Variants in ZNF561 observed in about 807,000 individuals in gnomAD.
ZNF561 encodes zinc finger protein 561.
ZNF561 carries 16 observed loss-of-function variants against 16.7 expected under a neutral mutation model. That is an observed-to-expected ratio of 0.96 (90% CI 0.65 to 1.45). The LOEUF is 1.45. ZNF561 is among the 40% of genes most tolerant of loss of function. The pLI, the probability that ZNF561 is intolerant of heterozygous loss-of-function variation, is 0.00. For missense variants in ZNF561, 580 were observed against 578.0 expected (o/e 1.00, Z -0.04); for synonymous variants, 190 against 192.1 (o/e 0.99, Z 0.09).
Position 9,608,277 on chromosome 19 carries a change from G to A in ZNF561, c.*1923C>T, listed in dbSNP as rs1291354614. Reference sequence around the variant, plus strand: ...GAGATGGTGGGGAGAGAGAGAGAAAGAGGAGAGAGGAGAGAGGAGAAAGGA... The same window carrying A: ...GAGATGGTGGGGAGAGAGAGAGAAAAAGGAGAGAGGAGAGAGGAGAAAGGA... On this transcript the variant is annotated 3_prime_UTR_variant, in exon 6 of 6. Coordinates refer to ENST00000302851, the MANE Select transcript of ZNF561 (RefSeq NM_152289.3). The A allele has an allele frequency of 6.6e-6, 1 of 151,848 alleles. No homozygotes were observed. Among genetic ancestry groups the A allele is most frequent in the East Asian group, 1.9e-4 (1 of 5,178 alleles). 9.4% of individuals were successfully genotyped at this position (151,848 alleles called of 1,614,324 possible).
rs567769004 is a variant in ZNF561, at chr19:9,608,432, C to T, written c.*1768G>A. On this transcript the variant is annotated 3_prime_UTR_variant, in exon 6 of 6. Transcript: ENST00000302851. ...GGCACTCTGATCTCAGACTTCCAGCCTCGAGAAATGTGAGAATATAAATTT... is the reference window on the plus strand; with the variant it reads ...GGCACTCTGATCTCAGACTTCCAGCTTCGAGAAATGTGAGAATATAAATTT... The T allele has an allele frequency of 1.3e-5, 2 of 152,060 alleles. No individual in the cohort carries two copies. The highest frequency in any genetic ancestry group is 1.3e-4 in the Admixed American group (2 of 15,254). 9.4% of individuals were successfully genotyped at this position (152,060 alleles called of 1,614,324 possible). A position where few individuals can be genotyped will look rare whatever the true frequency, so the allele number is the denominator to read the frequency against.
chr19:9,619,954 G>A (rs1409696507), intron 1 of ZNF561, among the ~76,000 whole-genome samples: 2 of 100,562 alleles, frequency 2.0e-5, no homozygotes, highest in Non-Finnish European at 3.9e-5. Flanking sequence ...ATCGAGACAG[G>A]GTCTCACTCT....
rs1367213019 is a variant in ZNF561, at chr19:9,618,126, T to G, written c.79A>C (p.Arg27=). Residue 27 remains arginine, a synonymous_variant, in exon 3 of 6, where the codon AGG becomes CGG. Coordinates refer to ENST00000302851, the MANE Select transcript of ZNF561 (RefSeq NM_152289.3). ...CPFEEKTKVE[R]MVEDYLASGY... is the part of the protein sequence containing the mutation. ...CTTGCCAGGTAGTCCTCCACCATCCTTTCTACCTTTGTCTTTTCTTCAAAA... is the reference window on the plus strand; with the variant it reads ...CTTGCCAGGTAGTCCTCCACCATCCGTTCTACCTTTGTCTTTTCTTCAAAA... The G allele has an allele frequency of 6.4e-7, 1 of 1,551,378 alleles. No individual in the cohort carries two copies. Among genetic ancestry groups the G allele is most frequent in the Admixed American group, 2.0e-5 (1 of 51,000 alleles).
At position 9,611,129 on chromosome 19, in the gene ZNF561, A is replaced by G. The variant is rs371451090; in HGVS notation, c.532T>C (p.Phe178Leu). 15 of 1,614,078 alleles carry G rather than the reference A, an allele frequency of 9.3e-6. No homozygotes were observed. Among genetic ancestry groups the G allele is most frequent in the East Asian group, 8.9e-5 (4 of 44,876 alleles). Reference sequence around the variant, plus strand: ...ACAGCAAGACCTGGAGTTAGAGTAAAGACTTTTCCACATGGATTAAATTTG... The same window carrying G: ...ACAGCAAGACCTGGAGTTAGAGTAAGGACTTTTCCACATGGATTAAATTTG... Reference protein sequence around the residue: ...LSKFNPCGKVFTLTPGLAVHL... With the variant: ...LSKFNPCGKVLTLTPGLAVHL... Residue 178 changes from phenylalanine (F) to leucine (L), a missense_variant, in exon 6 of 6, where the codon TTT (phenylalanine) becomes CTT (leucine). Coordinates refer to ENST00000302851, the MANE Select transcript of ZNF561 (RefSeq NM_152289.3).
chr19:9,613,908 A>G (rs1599226137), intron 5 of ZNF561, 113 bp downstream of exon 5: 4 of 1,331,242 alleles, frequency 3.0e-6, no homozygotes, highest in Non-Finnish European at 4.2e-6. Flanking sequence ...CAGCCTCCCA[A>G]ATAGCTGGGA....
Position 9,610,399 on chromosome 19 carries a change from A to G in ZNF561, c.1262T>C (p.Phe421Ser). 1 of 1,613,744 alleles carries G rather than the reference A, an allele frequency of 6.2e-7. No homozygotes were observed. The highest frequency in any genetic ancestry group is 8.5e-7 in the Non-Finnish European group (1 of 1,179,752). The change falls in exon 6 of 6, where the codon TTT becomes TCT. Residue 421 changes from phenylalanine to serine, a missense_variant. Transcript: ENST00000302851. ...TGCTTTCCCACATATCTTGCATACAAAGGGCTTTTCTCCACTATGAGTTTT... is the reference window on the plus strand; with the variant it reads ...TGCTTTCCCACATATCTTGCATACAGAGGGCTTTTCTCCACTATGAGTTTT... The part of the protein sequence containing the change: ...HLKTHSGEKP[F>S]VCKICGKAFL...
At chr19:9,618,798 G>A (rs909041238) in intron 2 of ZNF561, among the ~76,000 whole-genome samples, 2 of 151,500 alleles carry the variant, frequency 1.3e-5, no homozygotes, top group African/African-American at 4.9e-5. Flanking sequence ...ATTTCCTAAG[G>A]TACACAAACC....
At chr19:9,614,635 G>GA (rs2074521632) in intron 4 of ZNF561, among the ~76,000 whole-genome samples, 1 of 151,950 alleles carries the variant, frequency 6.6e-6, no homozygotes, top group Non-Finnish European at 1.5e-5. Context: ...ATGGAAAACA[G>GA]AAAGAGTAGA....
rs111984978 is a variant in ZNF561, at chr19:9,617,255, C to T, written c.115-84G>A. On this transcript the variant is annotated intron_variant, in intron 3 of 5. Coordinates refer to ENST00000302851, the MANE Select transcript of ZNF561 (RefSeq NM_152289.3). ...GAGAATGATGAAGGGGAACCTTATACTCACTTACACGTGGTTGTCAGGTCT... is the reference window on the plus strand; with the variant it reads ...GAGAATGATGAAGGGGAACCTTATATTCACTTACACGTGGTTGTCAGGTCT... 338 of 1,503,062 alleles carry T rather than the reference C, an allele frequency of 2.2e-4. 3 individuals carry two copies. The African/African-American group carries it at 3.7e-3, about 16-fold the overall frequency. 93.1% of individuals were successfully genotyped at this position (1,503,062 alleles called of 1,614,324 possible).
At position 9,608,735 on chromosome 19, in the gene ZNF561, TGAA is replaced by T. The variant is rs1304151766; in HGVS notation, c.*1462_*1464del. ...AAATACAACCCTTGATACGAAGTAGTGAAGAACTTGGCAGAACTGTATTCTAGC... is the reference window on the plus strand; with the variant it reads ...AAATACAACCCTTGATACGAAGTAGTGAACTTGGCAGAACTGTATTCTAGC... On this transcript the variant is annotated 3_prime_UTR_variant, in exon 6 of 6. Transcript: ENST00000302851. 5 of 152,220 alleles carry T rather than the reference TGAA, an allele frequency of 3.3e-5. No individual in the cohort carries two copies. Among genetic ancestry groups the T allele is most frequent in the African/African-American group, 1.2e-4 (5 of 41,456 alleles). The allele number at this position is 152,220 out of a possible 1,614,324, so 9.4% of individuals were successfully genotyped here.
In ZNF561 at chr19:9,610,311, T is replaced by C. The variant is rs1169798709; in HGVS notation, c.1350A>G (p.Val450=). ...LRTHTGEKPF[V]CKECGKAFAV... ...CAAATGCTTTCCCACATTCTTTACA[T>C]ACGAAGGGTTTCTCTCCGGTATGAG... The change falls in exon 6 of 6, where the codon GTA becomes GTG. Residue 450 remains valine (V), a synonymous_variant. Transcript: ENST00000302851. 5.0e-6 allele frequency: 8 copies of C among 1,614,034 alleles called. No individual in the cohort carries two copies. The Admixed American group carries it at 6.7e-5, about 13-fold the overall frequency.
chr19:9,616,960 C>G (rs753089350), intron 4 of ZNF561, 85 bp downstream of exon 4: 4 of 1,487,148 alleles, frequency 2.7e-6, no homozygotes, highest in Non-Finnish European at 2.7e-6. Flanking sequence ...CTCCCAGGCT[C>G]CAGCGATTCT....
intron 3 of ZNF561, 63 bp from the exon 4 acceptor site, chr19:9,617,234 A>G (rs2074571900): frequency 6.4e-7 from 1 of 1,567,966 alleles, no homozygotes; most frequent in Non-Finnish European, 8.7e-7. Flanking sequence ...TCACTGGAGA[A>G]TGATGAAGGG....
intron 5 of ZNF561, among the ~76,000 whole-genome samples, chr19:9,613,323 C>T (rs2074495381): frequency 6.6e-6 from 1 of 152,116 alleles, no homozygotes; most frequent in Admixed American, 6.5e-5. Context: ...CTGCAAACTC[C>T]ACCTCCTGGG....
At position 9,610,113 on chromosome 19, in the gene ZNF561, GA is replaced by G; in HGVS notation, c.*86del. The G allele has an allele frequency of 8.3e-7, 1 of 1,204,948 alleles. No homozygotes were observed. The allele number at this position is 1,204,948 out of a possible 1,614,324, so 74.6% of individuals were successfully genotyped here. ...AGGATGGTATCTAAGGCCAATCCAT[GA>G]GTCATTACAACCTCCAAAAGGCATT... is the stretch of plus-strand genomic sequence containing the variant. On this transcript the variant is annotated 3_prime_UTR_variant, in exon 6 of 6. Coordinates refer to ENST00000302851, the MANE Select transcript of ZNF561 (RefSeq NM_152289.3).
At chr19:9,618,600 T>C (rs1282294682) in intron 2 of ZNF561, among the ~76,000 whole-genome samples, 1 of 151,908 alleles carries the variant, frequency 6.6e-6, no homozygotes. Flanking sequence ...GTGGTGGGCA[T>C]CTATAGTCCC....
chr19:9,615,425 C>G (rs1381351441), intron 4 of ZNF561, among the ~76,000 whole-genome samples: 2 of 151,258 alleles, frequency 1.3e-5, no homozygotes, highest in African/African-American at 2.4e-5. Flanking sequence ...AGTGAAACTC[C>G]TTCTCTACTA....
chr19:9,618,485 G>C (rs868800214), intron 2 of ZNF561, among the ~76,000 whole-genome samples: 1 of 152,268 alleles, frequency 6.6e-6, no homozygotes, highest in Middle Eastern at 3.4e-3. Flanking sequence ...CCAGCACTTT[G>C]GGAGGCCGAG....
chr19:9,620,670 C>A (rs1298037340), intron 1 of ZNF561, among the ~76,000 whole-genome samples: 1 of 152,214 alleles, frequency 6.6e-6, no homozygotes, highest in Non-Finnish European at 1.5e-5. Flanking sequence ...CTGCACAGAA[C>A]AATTCAGTAG....
Sources: gnomAD v4.1 joint callset for allele counts (sites outside exome capture counted in the v4.1 genomes callset) on GRCh38, gnomAD v4.1.1 for gene constraint, MANE v1.5 for transcripts, NCBI Gene and HGNC (gene_info 2026-07-23, HGNC 2026-07-21) for gene names.